The following IMPG2 variants were observed in gnomAD, a reference collection of about 807,000 sequenced individuals.
IMPG2 encodes the protein interphotoreceptor matrix proteoglycan 2, also known as IPM 200.
A neutral mutation model predicts 129.2 loss-of-function variants in IMPG2; 91 were observed. That is an observed-to-expected ratio of 0.70 (90% CI 0.59 to 0.84). IMPG2 has a LOEUF of 0.84. Among genes scored for constraint, IMPG2 ranks in the 40% least tolerant of loss-of-function variants. The pLI is 0.00. For missense variants in IMPG2, 1,430 were observed against 1,461.7 expected, an observed-to-expected ratio of 0.98 and a Z score of 0.35; for synonymous variants, 510 against 517.7, an observed-to-expected ratio of 0.99 and a Z score of 0.20.
chr3:101,228,790 A>C lies in IMPG2; in HGVS notation c.3713+7T>G, dbSNP rs373459877. The C allele has an allele frequency of 1.9e-5, 31 of 1,612,582 alleles. No individual in the cohort carries two copies. The highest frequency in any genetic ancestry group is 2.5e-5 in the Non-Finnish European group (30 of 1,178,752). ...GGTCGGGGTGGGGGGCTGTTTCAAA[A>C]GCTTACACTTGTTGCTCTCTCACAA... On this transcript the variant is annotated splice_region_variant and intron_variant, in intron 18 of 18. Coordinates refer to ENST00000193391, the MANE Select transcript of IMPG2 (RefSeq NM_016247.4).
At chr3:101,282,937 G>A (rs757133262) in intron 4 of IMPG2, among the ~76,000 whole-genome samples, 1 of 152,170 alleles carries the variant, frequency 6.6e-6, no homozygotes, top group Non-Finnish European at 1.5e-5. Context: ...AATTCATCAA[G>A]GTTAAGTGAC....
intron 2 of IMPG2, among the ~76,000 whole-genome samples, chr3:101,308,952 T>A (rs994583959): frequency 6.6e-6 from 1 of 152,144 alleles, no homozygotes; most frequent in Non-Finnish European, 1.5e-5. Flanking sequence ...ATACCCTAAA[T>A]CATCTCTCTC....
chr3:101,270,027 T>C (rs1706764580), intron 7 of IMPG2, among the ~76,000 whole-genome samples: 1 of 148,488 alleles, frequency 6.7e-6, no homozygotes, highest in Non-Finnish European at 1.5e-5. Context: ...ACCTTCCAGG[T>C]TCAAGCAATT....
Position 101,224,462 on chromosome 3 carries a change from T to C in IMPG2, c.*2507A>G, listed in dbSNP as rs1335444037. 1 of 152,260 alleles carries C rather than the reference T, an allele frequency of 6.6e-6. No individual in the cohort carries two copies. Among genetic ancestry groups the C allele is most frequent in the Non-Finnish European group, 1.5e-5 (1 of 68,050 alleles). The allele number at this position is 152,260 out of a possible 1,614,324, so 9.4% of individuals were successfully genotyped here. ...TATTGCTAGGTTAAGAAGAACGTTC[T>C]AATACTCAGAAAATTTCATTCCTCA... On this transcript the variant is annotated 3_prime_UTR_variant, in exon 19 of 19. Transcript: ENST00000193391.
chr3:101,230,886 AC>A, intron 16 of IMPG2, 70 bp downstream of exon 16: 1 of 1,397,810 alleles, frequency 7.2e-7, no homozygotes, highest in Non-Finnish European at 1.0e-6. Context: ...AATATTTGGC[AC>A]CTGGTAAGTA....
At chr3:101,309,515 G>A (rs1707238679) in intron 2 of IMPG2, among the ~76,000 whole-genome samples, 1 of 152,042 alleles carries the variant, frequency 6.6e-6, no homozygotes, top group Non-Finnish European at 1.5e-5. Flanking sequence ...CCACTTAAAC[G>A]TGGGAAAGCC....
chr3:101,275,740 T>C lies in IMPG2; in HGVS notation c.589A>G (p.Thr197Ala). 6.2e-7 allele frequency: 1 copy of C among 1,613,234 alleles called. No homozygotes were observed. Among genetic ancestry groups the C allele is most frequent in the Non-Finnish European group, 8.5e-7 (1 of 1,179,248 alleles). The change falls in exon 6 of 19, where the codon ACT becomes GCT. Residue 197 changes from threonine (T) to alanine (A), a missense_variant. Physicochemically the swap from Thr to Ala is moderately conservative, Grantham distance 58. Transcript: ENST00000193391. ...VGDTSTLGDT[T>A]LSVPHPEVDA... ...ACCTCTGGATGTGGAACACTGAGAG[T>C]AGTGTCTAAGAAGAAAAGCAAAAAC...
chr3:101,231,082 G>C lies in IMPG2; in HGVS notation c.3297C>G (p.Pro1099=). The C allele has an allele frequency of 6.2e-7, 1 of 1,614,036 alleles. No homozygotes were observed. Among genetic ancestry groups the C allele is most frequent in the Admixed American group, 1.7e-5 (1 of 60,006 alleles). The change falls in exon 16 of 19, where the codon CCC becomes CCG. Residue 1099 remains proline (P), a synonymous_variant. Coordinates refer to ENST00000193391, the MANE Select transcript of IMPG2 (RefSeq NM_016247.4). ...GKHCEEFVSE[P]VIIGITIASV... is the part of the protein sequence containing the mutation. ...AGGCAATAGTGATGCCTATGATCAC[G>C]GGCTCAGACACAAATTCCTCACAGT...
chr3:101,253,133 G>A (rs925804406), intron 11 of IMPG2, among the ~76,000 whole-genome samples: 3 of 152,054 alleles, frequency 2.0e-5, no homozygotes, highest in African/African-American at 4.8e-5. Context: ...GAACAAAAAG[G>A]AAAGTTCATC....
chr3:101,269,576 G>A lies in IMPG2; in HGVS notation c.829-3C>T. ...AACCCAGTAAATGCATTTTCAACCT[G>A]TTAAAAGTACAAATAAAAATGATAA... On this transcript the variant is annotated splice_region_variant and splice_polypyrimidine_tract_variant and intron_variant, in intron 7 of 18. Transcript: ENST00000193391. 5 of 1,553,824 alleles carry A rather than the reference G, an allele frequency of 3.2e-6. No homozygotes were observed. Among genetic ancestry groups the A allele is most frequent in the South Asian group, 1.1e-5 (1 of 89,466 alleles).
intron 4 of IMPG2, among the ~76,000 whole-genome samples, chr3:101,288,571 G>A (rs182161196): frequency 1.3e-5 from 2 of 152,270 alleles, no homozygotes; most frequent in Non-Finnish European, 2.9e-5. Context: ...GGAATTGGAG[G>A]CCATAATCCT....
chr3:101,271,334 C>T (rs1440549710), intron 7 of IMPG2, among the ~76,000 whole-genome samples: 1 of 152,150 alleles, frequency 6.6e-6, no homozygotes, highest in Non-Finnish European at 1.5e-5. Flanking sequence ...TGAAAAAAAT[C>T]ATTACTACTA....
At position 101,257,659 on chromosome 3, in the gene IMPG2, C is replaced by G; in HGVS notation, c.1023G>C (p.Leu341=). ...NKVENHGLVE[L]DDKPTVVYTI... ...TATAAACAACAGTGGGTTTATCATCCAGTTCCACAAGGCCATGGTTTTCCA... is the reference window on the plus strand; with the variant it reads ...TATAAACAACAGTGGGTTTATCATCGAGTTCCACAAGGCCATGGTTTTCCA... The change falls in exon 10 of 19, where the codon CTG becomes CTC. Residue 341 remains leucine, a synonymous_variant. Transcript: ENST00000193391. 6.2e-7 allele frequency: 1 copy of G among 1,613,436 alleles called. No individual in the cohort carries two copies. Among genetic ancestry groups the G allele is most frequent in the Non-Finnish European group, 8.5e-7 (1 of 1,179,580 alleles).
intron 17 of IMPG2, 60 bp downstream of exon 17, chr3:101,229,320 G>GGGGCCCCCCCCCCC: frequency 1.9e-6 from 1 of 519,340 alleles, no homozygotes; most frequent in Non-Finnish European, 3.0e-6. Context: ...ACCACCCCCT[G>GGGGCCCCCCCCCCC]CTCCCCCACA....
chr3:101,246,913 T>C (rs897921006), intron 11 of IMPG2, among the ~76,000 whole-genome samples: 4 of 151,684 alleles, frequency 2.6e-5, no homozygotes, highest in African/African-American at 7.3e-5. Flanking sequence ...GACTGGGCAA[T>C]ATAGCAAGAC....
chr3:101,311,316 C>A (rs923536800), intron 2 of IMPG2, among the ~76,000 whole-genome samples: 9 of 151,998 alleles, frequency 5.9e-5, no homozygotes, highest in Admixed American at 2.0e-4. Flanking sequence ...CTAGGAAAGC[C>A]TAACCTAAGG....
intron 15 of IMPG2, among the ~76,000 whole-genome samples, chr3:101,232,230 T>A (rs974106799): frequency 4.0e-5 from 6 of 151,336 alleles, no homozygotes; most frequent in African/African-American, 1.2e-4. Context: ...TTTATTTTTT[T>A]TTTATTTATT....
intron 5 of IMPG2, 76 bp from the exon 6 acceptor site, chr3:101,275,821 C>T (rs372276324): frequency 9.0e-7 from 1 of 1,112,720 alleles, no homozygotes. Context: ...AAATAAGGAA[C>T]TGACTTCAAA....
In IMPG2 at chr3:101,319,693, C is replaced by G; in HGVS notation, c.225G>C (p.Trp75Cys). ...GAATAGATCTCCGCCTTCTGATTAA[C>G]CACTGTCTTTCAGTTTCTCTGCGGT... ...PLDRRETERQWLIRRRRSILF... is the reference protein window; with the variant it reads ...PLDRRETERQCLIRRRRSILF... Residue 75 changes from tryptophan to cysteine, a missense_variant, in exon 2 of 19, where the codon TGG (tryptophan) becomes TGC (cysteine). Coordinates refer to ENST00000193391, the MANE Select transcript of IMPG2 (RefSeq NM_016247.4). 6.2e-7 allele frequency: 1 copy of G among 1,613,696 alleles called. No homozygotes were observed. Among genetic ancestry groups the G allele is most frequent in the Non-Finnish European group, 8.5e-7 (1 of 1,179,826 alleles).
Sources: allele counts gnomAD v4.1 joint callset (sites outside exome capture counted in the v4.1 genomes callset), GRCh38; gene constraint gnomAD v4.1.1; transcripts MANE v1.5; gene names NCBI Gene and HGNC (gene_info 2026-07-23, HGNC 2026-07-21).